The following EFCC1 variants were observed in gnomAD, a reference collection of about 807,000 sequenced individuals.
EFCC1 encodes EF-hand and coiled-coil domain containing 1, also known as EF-hand and coiled-coil domain-containing protein 1.
A neutral mutation model predicts 52.1 loss-of-function variants in EFCC1; 50 were observed. The ratio of observed to expected loss-of-function variants is 0.96; its 90% CI spans 0.76 to 1.21. The LOEUF (loss-of-function observed/expected upper bound fraction) is 1.21, where lower values mean the gene tolerates loss of function less well. EFCC1 is among the 50% of genes most tolerant of loss of function. EFCC1 has a pLI of 0.00. For synonymous variants in EFCC1, 399 were observed against 396.5 expected (o/e 1.01, Z -0.08); for missense variants, 837 against 867.3 (o/e 0.97, Z 0.44).
chr3:129,001,916 C>T lies in EFCC1; in HGVS notation c.288C>T (p.Ala96=), dbSNP rs1196785986. ...LGLRAEGATT[A]GQAAGDGNSR... Reference sequence around the variant, plus strand: ...TGCGCGCGGAGGGGGCCACCACGGCCGGGCAGGCAGCAGGTGACGGGAACT... The same window carrying T: ...TGCGCGCGGAGGGGGCCACCACGGCTGGGCAGGCAGCAGGTGACGGGAACT... The change falls in exon 1 of 8, where the codon GCC becomes GCT. Residue 96 remains alanine (A), a synonymous_variant. Transcript: ENST00000683648. The T allele has an allele frequency of 2.6e-6, 4 of 1,538,902 alleles. No homozygotes were observed. The highest frequency in any genetic ancestry group is 4.0e-5 in the Admixed American group (2 of 50,182).
intron 1 of EFCC1, chr3:129,002,684 C>T (rs1184782369): frequency 3.6e-6 from 1 of 278,388 alleles, no homozygotes; most frequent in Non-Finnish European, 6.7e-6. Flanking sequence ...CTTTCTCTCT[C>T]CTTCCTGCCA....
intron 3 of EFCC1, among the ~76,000 whole-genome samples, chr3:129,031,713 C>G (rs1019620754): frequency 6.6e-6 from 1 of 152,214 alleles, no homozygotes; most frequent in Admixed American, 6.5e-5. Flanking sequence ...CCTGGCCCTG[C>G]GTTGCTCTAC....
At chr3:129,039,004 A>G (rs1466835100) in intron 7 of EFCC1, 104 bp downstream of exon 7, 21 of 1,028,898 alleles carry the variant, frequency 2.0e-5, no homozygotes, top group Admixed American at 3.7e-5. Flanking sequence ...CTGCAAAACA[A>G]TCATGTTATT....
In EFCC1 at chr3:129,014,422, C is replaced by T. The variant is rs1297191217; in HGVS notation, c.980+10345C>T. Reference sequence around the variant, plus strand: ...CTTCTCCTGCGGCCTCTCTCCTGGGCTGGCAGCCAGGGCCGCCTTCTCCCT... The same window carrying T: ...CTTCTCCTGCGGCCTCTCTCCTGGGTTGGCAGCCAGGGCCGCCTTCTCCCT... On this transcript the variant is annotated intron_variant, in intron 2 of 7. Coordinates refer to ENST00000683648, the MANE Select transcript of EFCC1 (RefSeq NM_001377500.1). This position sits in a 1 kb window ranked among gnomAD's most constrained non-coding sequence, Gnocchi z 4.3. Among the ~76,000 whole-genome samples, 1 of 152,228 alleles carries T rather than the reference C, an allele frequency of 6.6e-6. No individual in the cohort carries two copies. The highest frequency in any genetic ancestry group is 2.4e-5 in the African/African-American group (1 of 41,464).
At chr3:129,023,334 G>C (rs1945947019) in intron 2 of EFCC1, among the ~76,000 whole-genome samples, 4 of 138,448 alleles carry the variant, frequency 2.9e-5, no homozygotes. Context: ...TTTTGAGACA[G>C]AGTCTTGAGT....
Position 129,014,302 on chromosome 3 carries a change from T to C in EFCC1, c.980+10225T>C, listed in dbSNP as rs1291129450. Among the ~76,000 whole-genome samples, 1 of 152,218 alleles carries C rather than the reference T, an allele frequency of 6.6e-6. No homozygotes were observed. Among genetic ancestry groups the C allele is most frequent in the Non-Finnish European group, 1.5e-5 (1 of 68,038 alleles). On this transcript the variant is annotated intron_variant, in intron 2 of 7. Transcript: ENST00000683648. The surrounding 1 kb of genome is among the most constrained non-coding windows in gnomAD (Gnocchi z 4.3). ...TCAGGGAGTGTGAGTCAGCTCGGGC[T>C]GCTGTGACAAGCCCCACAGACCAGG...
Position 129,040,278 on chromosome 3 carries a change from T to G in EFCC1, c.*430T>G. On this transcript the variant is annotated 3_prime_UTR_variant, in exon 8 of 8. Coordinates refer to ENST00000683648, the MANE Select transcript of EFCC1 (RefSeq NM_001377500.1). This position sits in a 1 kb window ranked among gnomAD's most constrained non-coding sequence, Gnocchi z 4.4. ...CTGGCATGCCTGCTGCAACGGAGAC[T>G]GGGCCCAACCTTTGGGATACCTGGT... 1 of 170,280 alleles carries G rather than the reference T, an allele frequency of 5.9e-6. No individual in the cohort carries two copies. Among genetic ancestry groups the G allele is most frequent in the Non-Finnish European group, 1.2e-5 (1 of 80,730 alleles). The allele number at this position is 170,280 out of a possible 1,614,324, so 10.5% of individuals were successfully genotyped here.
At chr3:129,033,249 T>A (rs1946308531) in intron 4 of EFCC1, among the ~76,000 whole-genome samples, 1 of 152,164 alleles carries the variant, frequency 6.6e-6, no homozygotes, top group African/African-American at 2.4e-5. Flanking sequence ...CAGACACCAG[T>A]GTTCCTCTCA....
At position 129,034,171 on chromosome 3, in the gene EFCC1, G is replaced by A. The variant is rs1190028196; in HGVS notation, c.1294G>A (p.Asp432Asn). ...CCCTCTCCTTTGCTGCAGGTGTGAT[G>A]ACCAGACGGCGGAGAAGCTCATGAC... ...RLSSCRGRCD[D>N]QTAEKLMTYF... is the part of the protein sequence containing the mutation. The change falls in exon 5 of 8, where the codon GAC (aspartate) becomes AAC (asparagine). Residue 432 changes from aspartate to asparagine, a missense_variant. Coordinates refer to ENST00000683648, the MANE Select transcript of EFCC1 (RefSeq NM_001377500.1). The A allele has an allele frequency of 1.1e-5, 17 of 1,614,090 alleles. No individual in the cohort carries two copies. Among genetic ancestry groups the A allele is most frequent in the African/African-American group, 2.7e-5 (2 of 74,940 alleles).
chr3:129,014,807 C>T lies in EFCC1; in HGVS notation c.980+10730C>T, dbSNP rs760499105. On this transcript the variant is annotated intron_variant, in intron 2 of 7. Coordinates refer to ENST00000683648, the MANE Select transcript of EFCC1 (RefSeq NM_001377500.1). The surrounding 1 kb of genome is among the most constrained non-coding windows in gnomAD (Gnocchi z 4.3). Reference sequence around the variant, plus strand: ...GCTTGGCTTGTCTGCACTGCCTGCACGGGGACGAGCAGGTTGGAGCCAGCC... The same window carrying T: ...GCTTGGCTTGTCTGCACTGCCTGCATGGGGACGAGCAGGTTGGAGCCAGCC... 9.2e-5 allele frequency among the ~76,000 whole-genome samples: 14 copies of T among 152,138 alleles called. No homozygotes were observed. The highest frequency in any genetic ancestry group is 1.6e-4 in the Non-Finnish European group (11 of 68,006).
At chr3:129,038,211 T>C (rs1490127899) in intron 6 of EFCC1, among the ~76,000 whole-genome samples, 1 of 152,200 alleles carries the variant, frequency 6.6e-6, no homozygotes, top group Non-Finnish European at 1.5e-5. Context: ...CCCAGGTCTG[T>C]GGGGCTCTGA....
At chr3:129,021,754 T>C (rs1488689149) in intron 2 of EFCC1, among the ~76,000 whole-genome samples, 2 of 152,214 alleles carry the variant, frequency 1.3e-5, no homozygotes, top group Non-Finnish European at 2.9e-5. Flanking sequence ...TAAATTCAAA[T>C]GTATCCATCA....
intron 2 of EFCC1, among the ~76,000 whole-genome samples, chr3:129,006,248 G>A (rs553976568): frequency 3.9e-5 from 6 of 152,284 alleles, no homozygotes; most frequent in African/African-American, 1.2e-4. Flanking sequence ...TCTGCTGATC[G>A]GGCATAAGAA....
chr3:129,001,584 A>C lies in EFCC1; in HGVS notation c.-45A>C. On this transcript the variant is annotated 5_prime_UTR_variant, in exon 1 of 8. Coordinates refer to ENST00000683648, the MANE Select transcript of EFCC1 (RefSeq NM_001377500.1). ...GCCGCCCCTGGAAGTGGCGGGGCGA[A>C]GGGACCGGAGGAGGGACCGGAGGAG... is the stretch of plus-strand genomic sequence containing the variant. 7.4e-7 allele frequency: 1 copy of C among 1,345,966 alleles called. No individual in the cohort carries two copies. The highest frequency in any genetic ancestry group is 9.5e-7 in the Non-Finnish European group (1 of 1,054,792). The allele number at this position is 1,345,966 out of a possible 1,614,324, so 83.4% of individuals were successfully genotyped here.
chr3:129,031,430 G>A (rs1946270855), intron 3 of EFCC1, among the ~76,000 whole-genome samples: 2 of 152,126 alleles, frequency 1.3e-5, no homozygotes, highest in African/African-American at 4.8e-5. Context: ...GACAGAGTGG[G>A]GCCCTGCCCC....
chr3:129,009,211 T>A (rs923523276), intron 2 of EFCC1, among the ~76,000 whole-genome samples: 10 of 152,100 alleles, frequency 6.6e-5, no homozygotes, highest in African/African-American at 2.2e-4. Context: ...ATCATCCAGG[T>A]CTCCTGGGTG....
At chr3:129,006,268 G>A (rs72977197) in intron 2 of EFCC1, among the ~76,000 whole-genome samples, 10,742 of 152,196 alleles carry the variant, frequency 0.071, 1,004 homozygotes, top group African/African-American at 0.22. Context: ...AGAAACCTGC[G>A]AGGCTAGTCC....
chr3:129,033,354 C>T (rs1178946297), intron 4 of EFCC1, among the ~76,000 whole-genome samples: 2 of 152,144 alleles, frequency 1.3e-5, no homozygotes, highest in African/African-American at 4.8e-5. Flanking sequence ...TTCATCCTCA[C>T]CTCCACCCCC....
At chr3:129,012,968 AAGAG>A (rs775128544) in intron 2 of EFCC1, among the ~76,000 whole-genome samples, 1 of 152,188 alleles carries the variant, frequency 6.6e-6, no homozygotes, top group Non-Finnish European at 1.5e-5. Context: ...GTCTCATCCA[AAGAG>A]AGAATCTCTT....
Sources: allele counts gnomAD v4.1 joint callset (sites outside exome capture counted in the v4.1 genomes callset), GRCh38; gene constraint gnomAD v4.1.1; non-coding constraint Gnocchi (gnomAD v3.1); transcripts MANE v1.5; gene names NCBI Gene and HGNC (gene_info 2026-07-23, HGNC 2026-07-21).